CMSS1: variants seen among roughly 807,000 people sequenced by gnomAD.
CMSS1 encodes the protein cms1 ribosomal small subunit homolog.
In CMSS1, 33 loss-of-function variants were observed where a neutral mutation model predicts 43.5. That is an observed-to-expected ratio of 0.76 (90% confidence interval 0.57 to 1.01). The LOEUF is 1.01. CMSS1 is among the 50% of genes least tolerant of loss of function. The pLI is 0.00. For missense variants in CMSS1, 313 were observed against 326.4 expected (o/e 0.96, Z 0.32); for synonymous variants, 115 against 117.2 (o/e 0.98, Z 0.12).
At chr3:100,107,613 A>G (rs1411420764) in intron 1 of CMSS1, among the ~76,000 whole-genome samples, 2 of 152,208 alleles carry the variant, frequency 1.3e-5, no homozygotes, top group African/African-American at 2.4e-5. Flanking sequence ...TTAGGAAAGA[A>G]CAAATAAAAC....
intron 1 of CMSS1, among the ~76,000 whole-genome samples, chr3:99,894,157 G>A (rs1706175575): frequency 6.6e-6 from 1 of 152,232 alleles, no homozygotes; most frequent in African/African-American, 2.4e-5. Context: ...ACAGCTAGGA[G>A]TTGGTTGGAG....
At chr3:100,046,613 C>T (rs2065283193) in intron 1 of CMSS1, among the ~76,000 whole-genome samples, 1 of 152,078 alleles carries the variant, frequency 6.6e-6, no homozygotes, top group Non-Finnish European at 1.5e-5. Context: ...AAGAGGGGTC[C>T]TGTTGTCATT....
chr3:99,856,459 A>T (rs945646092), intron 1 of CMSS1, among the ~76,000 whole-genome samples: 2 of 152,198 alleles, frequency 1.3e-5, no homozygotes, highest in African/African-American at 2.4e-5. Flanking sequence ...ACACCACAGC[A>T]TTATAGGAAC....
At chr3:99,826,803 A>G (rs1471956098) in intron 1 of CMSS1, among the ~76,000 whole-genome samples, 1 of 152,232 alleles carries the variant, frequency 6.6e-6, no homozygotes, top group Non-Finnish European at 1.5e-5. Flanking sequence ...CTTGAAGGTA[A>G]ATAAATGAAG....
chr3:100,139,529 ATGTGTGTGTGTGTGTG>A (rs201315535), intron 1 of CMSS1, among the ~76,000 whole-genome samples: 7 of 129,356 alleles, frequency 5.4e-5, no homozygotes, highest in East Asian at 2.3e-4. Flanking sequence ...TAAAAAAAAA[ATGTGTGTGTGTGTGTG>A]TGTGTGTGTG....
At chr3:100,047,040 T>C (rs1382521196) in intron 1 of CMSS1, among the ~76,000 whole-genome samples, 1 of 152,216 alleles carries the variant, frequency 6.6e-6, no homozygotes, top group Non-Finnish European at 1.5e-5. Context: ...CAAGATAAAA[T>C]GTAAAGGGTA....
chr3:100,055,368 A>G (rs2065447085), intron 1 of CMSS1, among the ~76,000 whole-genome samples: 1 of 152,218 alleles, frequency 6.6e-6, no homozygotes. Context: ...TAGAAAATCA[A>G]GGTGACTGTA....
intron 1 of CMSS1, among the ~76,000 whole-genome samples, chr3:100,071,568 C>G (rs925298826): frequency 6.6e-6 from 1 of 152,202 alleles, no homozygotes; most frequent in Non-Finnish European, 1.5e-5. Flanking sequence ...TTCTGTCCTA[C>G]TGGTTCCAGT....
At chr3:99,947,899 A>G (rs1708056661) in intron 1 of CMSS1, among the ~76,000 whole-genome samples, 2 of 152,302 alleles carry the variant, frequency 1.3e-5, no homozygotes, top group South Asian at 4.1e-4. Flanking sequence ...TTTTCCTTTC[A>G]TGGAGGAAGC....
At chr3:100,018,925 C>T (rs1168076660) in intron 1 of CMSS1, among the ~76,000 whole-genome samples, 3 of 151,834 alleles carry the variant, frequency 2.0e-5, no homozygotes, top group South Asian at 2.1e-4. Flanking sequence ...AGATAAATAG[C>T]CAAGAGGTAT....
At chr3:99,975,199 C>A (rs537034817) in intron 1 of CMSS1, among the ~76,000 whole-genome samples, 2 of 152,322 alleles carry the variant, frequency 1.3e-5, no homozygotes, top group Non-Finnish European at 1.5e-5. Flanking sequence ...AAAGGAATTT[C>A]TATTTGTTCA....
intron 1 of CMSS1, among the ~76,000 whole-genome samples, chr3:99,843,607 T>C (rs1441860135): frequency 6.6e-6 from 1 of 152,230 alleles, no homozygotes; most frequent in African/African-American, 2.4e-5. Context: ...ATATGTTTAA[T>C]ACACCTAACC....
intron 1 of CMSS1, among the ~76,000 whole-genome samples, chr3:99,908,153 A>G (rs1043190334): frequency 1.3e-5 from 2 of 152,204 alleles, no homozygotes; most frequent in Non-Finnish European, 2.9e-5. Context: ...TATCACTTTC[A>G]TCTTCCATAA....
At chr3:100,018,017 G>A (rs1007848901) in intron 1 of CMSS1, among the ~76,000 whole-genome samples, 8 of 152,038 alleles carry the variant, frequency 5.3e-5, no homozygotes, top group African/African-American at 1.7e-4. Flanking sequence ...TTTAAGTTGT[G>A]CACAGTGACC....
intron 1 of CMSS1, among the ~76,000 whole-genome samples, chr3:100,016,247 C>A (rs915182555): frequency 1.3e-5 from 2 of 152,158 alleles, no homozygotes; most frequent in African/African-American, 2.4e-5. Flanking sequence ...GGCTGGAGTG[C>A]AATGGTGCGA....
chr3:100,160,015 C>A, intron 2 of CMSS1: 1 of 436,786 alleles, frequency 2.3e-6, no homozygotes, highest in Non-Finnish European at 4.6e-6. Flanking sequence ...GAAATGTAGG[C>A]TCACACACAG....
At chr3:100,058,912 G>C (rs967533539) in intron 1 of CMSS1, among the ~76,000 whole-genome samples, 1 of 152,196 alleles carries the variant, frequency 6.6e-6, no homozygotes, top group Non-Finnish European at 1.5e-5. Flanking sequence ...AACTTAACTT[G>C]CATTTGAGAG....
chr3:99,876,328 A>G, intron 1 of CMSS1: 1 of 492,086 alleles, frequency 2.0e-6, no homozygotes, highest in Non-Finnish European at 2.6e-6. Flanking sequence ...GCTCCCGCGG[A>G]TGTTCCGGCC....
rs997357142 is a variant in CMSS1 at position 99,817,922 on chromosome 3, T to C, written c.-58T>C. On this transcript the variant is annotated 5_prime_UTR_variant, in exon 1 of 10. Transcript: ENST00000421999. ...GCCGCCTGGCTTTGAGACAACGTGA[T>C]TCTCCGCAGCTGGTCGCCTACCCGT... The C allele has an allele frequency of 6.3e-7, 1 of 1,575,720 alleles. No homozygotes were observed. Among genetic ancestry groups the C allele is most frequent in the Non-Finnish European group, 8.7e-7 (1 of 1,146,786 alleles).
Sources: allele counts gnomAD v4.1 joint callset (sites outside exome capture counted in the v4.1 genomes callset), GRCh38; gene constraint gnomAD v4.1.1; transcripts MANE v1.5; gene names NCBI Gene and HGNC (gene_info 2026-07-23, HGNC 2026-07-21).